RNF150: variants seen among roughly 807,000 people sequenced by gnomAD.
RNF150 encodes ring finger protein 150.
A neutral mutation model predicts 39.3 loss-of-function variants in RNF150; 24 were observed. The observed-to-expected ratio is 0.61, with a 90% confidence interval of 0.44 to 0.86. The LOEUF (loss-of-function observed/expected upper bound fraction) is 0.86. Ranked by LOEUF, RNF150 falls within the 40% of genes least tolerant of loss-of-function variation. The probability of loss-of-function intolerance (pLI) is 0.00; values close to 1 mark genes in which losing one functional copy is unlikely to be tolerated. For synonymous variants in RNF150, 255 were observed against 227.3 expected (o/e 1.12, Z -1.10); for missense variants, 502 against 587.8 (o/e 0.85, Z 1.51).
At chr4:140,891,590 A>G (rs1356465735) in intron 6 of RNF150, among the ~76,000 whole-genome samples, 1 of 152,198 alleles carries the variant, frequency 6.6e-6, no homozygotes, top group East Asian at 1.9e-4. Flanking sequence ...GTCCTTCCGT[A>G]TCCAGTATTC....
chr4:140,923,511 A>C (rs1731248690), intron 5 of RNF150, among the ~76,000 whole-genome samples: 2 of 152,180 alleles, frequency 1.3e-5, no homozygotes, highest in African/African-American at 4.8e-5. Flanking sequence ...GAACACTTTT[A>C]CACTGTTGGT....
At chr4:141,173,446 C>T (rs1352266376) in intron 1 of RNF150, among the ~76,000 whole-genome samples, 1 of 152,172 alleles carries the variant, frequency 6.6e-6, no homozygotes, top group Non-Finnish European at 1.5e-5. Flanking sequence ...CCCACAACAA[C>T]GCTGAAAGGT....
chr4:141,011,513 T>C (rs1735073601), intron 1 of RNF150, among the ~76,000 whole-genome samples: 1 of 152,210 alleles, frequency 6.6e-6, no homozygotes. Context: ...CCTATATAGC[T>C]CCTGTCCAGA....
intron 1 of RNF150, among the ~76,000 whole-genome samples, chr4:141,070,486 A>T (rs1394027796): frequency 6.7e-6 from 1 of 148,466 alleles, no homozygotes; most frequent in Non-Finnish European, 1.5e-5. Flanking sequence ...TACTCATCTG[A>T]CAAAGGGCTA....
chr4:141,050,550 T>C (rs1161149984), intron 1 of RNF150, among the ~76,000 whole-genome samples: 2 of 152,082 alleles, frequency 1.3e-5, no homozygotes, highest in African/African-American at 4.8e-5. Flanking sequence ...CTGTTGCAAA[T>C]GGGAGAAAAT....
At chr4:141,119,400 C>T (rs541220237) in intron 1 of RNF150, among the ~76,000 whole-genome samples, 5 of 152,316 alleles carry the variant, frequency 3.3e-5, no homozygotes, top group South Asian at 2.1e-4. Context: ...TTCCTTCTAG[C>T]CACAGTCAGG....
intron 1 of RNF150, among the ~76,000 whole-genome samples, chr4:141,051,809 C>T (rs539130440): frequency 1.8e-4 from 28 of 152,254 alleles, no homozygotes; most frequent in African/African-American, 6.7e-4. Flanking sequence ...TGCCTGTTAC[C>T]CAGTTTCAAA....
Position 141,027,926 on chromosome 4 carries a change from GTTTTTTTT to G in RNF150, c.485-60061_485-60054del, listed in dbSNP as rs61543533. On this transcript the variant is annotated intron_variant, in intron 1 of 6. Coordinates refer to ENST00000515673, the MANE Select transcript of RNF150 (RefSeq NM_020724.2). ...GCTTGGAATTTGTTTTTTTTTTTTT[GTTTTTTTT>G]TTTTTTTTTTTTTTTTTTCAATCCT... is the stretch of plus-strand genomic sequence containing the variant. Among the ~76,000 whole-genome samples the G allele has an allele frequency of 7.2e-5, 5 of 69,126 alleles. 1 individual carries two copies. The highest frequency in any genetic ancestry group is 5.2e-4 in the South Asian group (1 of 1,912). The allele number at this position is 69,126 out of a possible 152,430, so 45.3% of individuals were successfully genotyped here. A position where few individuals can be genotyped will look rare whatever the true frequency, so the allele number is the denominator to read the frequency against.
At chr4:141,201,060 T>G (rs1728282308) in intron 1 of RNF150, among the ~76,000 whole-genome samples, 1 of 121,288 alleles carries the variant, frequency 8.2e-6, no homozygotes, top group Non-Finnish European at 1.8e-5. Flanking sequence ...TGTAGGAAAC[T>G]GAGACAATAC....
intron 1 of RNF150, among the ~76,000 whole-genome samples, chr4:141,112,717 T>C (rs970023055): frequency 2.0e-5 from 3 of 152,128 alleles, no homozygotes; most frequent in Non-Finnish European, 4.4e-5. Flanking sequence ...GTTGCTCTTC[T>C]TGAGGAGTAT....
chr4:140,979,688 T>C (rs13125115), intron 1 of RNF150, among the ~76,000 whole-genome samples: 46,411 of 151,766 alleles, frequency 0.31, 7,868 homozygotes, highest in East Asian at 0.71. Flanking sequence ...GATGAGCTTA[T>C]GGACAACTGA....
chr4:140,976,115 C>T (rs777859990), intron 1 of RNF150, among the ~76,000 whole-genome samples: 23 of 152,074 alleles, frequency 1.5e-4, no homozygotes, highest in Non-Finnish European at 2.6e-4. Context: ...CTCTGCATTA[C>T]GGTGAAGGAA....
At chr4:141,033,600 T>C (rs1736032515) in intron 1 of RNF150, among the ~76,000 whole-genome samples, 1 of 152,184 alleles carries the variant, frequency 6.6e-6, no homozygotes, top group Non-Finnish European at 1.5e-5. Flanking sequence ...GAGGAATCAC[T>C]GGGCAGCGAT....
chr4:140,954,207 G>T (rs1732656463), intron 2 of RNF150, among the ~76,000 whole-genome samples: 1 of 152,038 alleles, frequency 6.6e-6, no homozygotes, highest in South Asian at 2.1e-4. Flanking sequence ...CCCAAATCAT[G>T]CTTCTTCTTC....
intron 1 of RNF150, among the ~76,000 whole-genome samples, chr4:141,104,951 G>T (rs933567143): frequency 6.6e-6 from 1 of 152,106 alleles, no homozygotes; most frequent in African/African-American, 2.4e-5. Context: ...CCCAGTTGCA[G>T]CCTCCAGACA....
intron 1 of RNF150, among the ~76,000 whole-genome samples, chr4:141,079,289 C>G (rs1362581980): frequency 6.6e-6 from 1 of 152,180 alleles, no homozygotes; most frequent in Non-Finnish European, 1.5e-5. Context: ...TTTAAATGAT[C>G]AAATTAAACA....
At chr4:141,061,034 T>G (rs1737201696) in intron 1 of RNF150, among the ~76,000 whole-genome samples, 1 of 152,028 alleles carries the variant, frequency 6.6e-6, no homozygotes, top group South Asian at 2.1e-4. Flanking sequence ...AAATACCTAA[T>G]GTAGGTGATA....
chr4:140,970,301 G>A (rs1050816152), intron 1 of RNF150, among the ~76,000 whole-genome samples: 1 of 152,050 alleles, frequency 6.6e-6, no homozygotes, highest in Non-Finnish European at 1.5e-5. Flanking sequence ...GGAAGATTAG[G>A]ATGCAATTTT....
At chr4:141,059,923 A>G (rs1356511069) in intron 1 of RNF150, among the ~76,000 whole-genome samples, 1 of 152,152 alleles carries the variant, frequency 6.6e-6, no homozygotes, top group Non-Finnish European at 1.5e-5. Context: ...CTCTAAATAT[A>G]TACTTTGCTA....
Sources: allele counts gnomAD v4.1 joint callset (sites outside exome capture counted in the v4.1 genomes callset), GRCh38; gene constraint gnomAD v4.1.1; transcripts MANE v1.5; gene names NCBI Gene and HGNC (gene_info 2026-07-23, HGNC 2026-07-21).